CCSER1: variants seen among roughly 807,000 people sequenced by gnomAD.
CCSER1 encodes serine-rich coiled-coil domain-containing protein 1.
CCSER1 carries 41 observed loss-of-function variants against 82.0 expected under a neutral mutation model. That is an observed-to-expected ratio of 0.50 (90% CI 0.39 to 0.65). The LOEUF (loss-of-function observed/expected upper bound fraction) is 0.65. Among genes scored for constraint, CCSER1 ranks in the 30% least tolerant of loss-of-function variants. The probability of loss-of-function intolerance (pLI) is 0.00; values close to 1 mark genes in which losing one functional copy is unlikely to be tolerated. For missense variants in CCSER1, 1,119 were observed against 1,064.2 expected, an observed-to-expected ratio of 1.05 and a Z score of -0.72; for synonymous variants, 414 against 383.9, an observed-to-expected ratio of 1.08 and a Z score of -0.92.
intron 4 of CCSER1, among the ~76,000 whole-genome samples, chr4:90,429,262 A>G (rs1292565519): frequency 6.6e-6 from 1 of 151,828 alleles, no homozygotes; most frequent in African/African-American, 2.4e-5. Context: ...AAAAAGATGT[A>G]GCCACATTGC....
At position 90,926,504 on chromosome 4, in the gene CCSER1, C is replaced by T. The variant is rs955799732; in HGVS notation, c.2172+3057C>T. 2.6e-5 allele frequency among the ~76,000 whole-genome samples: 4 copies of T among 151,944 alleles called. No individual in the cohort carries two copies. The South Asian group carries it at 8.3e-4, about 32-fold the overall frequency. ...GATAAGAAATAGAATTCCCAGAAAA[C>T]ATTAATTATAATAAAATCTATTAAA... On this transcript the variant is annotated intron_variant, in intron 9 of 10. Transcript: ENST00000509176.
intron 4 of CCSER1, among the ~76,000 whole-genome samples, chr4:90,422,584 G>GTC (rs140011451): frequency 6.0e-5 from 9 of 150,706 alleles, no homozygotes; most frequent in South Asian, 2.1e-4. Context: ...AACAGAGTGA[G>GTC]TCTCTCTCTC....
chr4:91,565,072 G>A (rs1199741902), intron 10 of CCSER1, among the ~76,000 whole-genome samples: 8 of 112,646 alleles, frequency 7.1e-5, no homozygotes, highest in African/African-American at 2.1e-4. Flanking sequence ...GTGTGTGTGT[G>A]TGTGTGTGAT....
rs541081221 is a variant in CCSER1, at chr4:91,470,421, T to A, written c.2218-128151T>A. On this transcript the variant is annotated intron_variant, in intron 10 of 10. Transcript: ENST00000509176. ...AATCTTTTCATTTTATTAATAATAT[T>A]TATATTATGGAAGACTGAAATGGTA... Among the ~76,000 whole-genome samples, 15 of 146,084 alleles carry A rather than the reference T, an allele frequency of 1.0e-4. 1 individual carries two copies. The South Asian group carries it at 3.4e-3, about 34-fold the overall frequency.
chr4:91,480,292 A>C (rs1426988728), intron 10 of CCSER1, among the ~76,000 whole-genome samples: 1 of 152,160 alleles, frequency 6.6e-6, no homozygotes, highest in Non-Finnish European at 1.5e-5. Context: ...GGAATTTCTA[A>C]TTCTAGATCC....
At chr4:91,444,058 G>T (rs906877850) in intron 10 of CCSER1, among the ~76,000 whole-genome samples, 9 of 152,102 alleles carry the variant, frequency 5.9e-5, no homozygotes, top group Middle Eastern at 3.4e-3. Context: ...CTTTTATTAG[G>T]TTTTTTCAAT....
chr4:91,521,599 G>A (rs1210019316), intron 10 of CCSER1, among the ~76,000 whole-genome samples: 1 of 152,170 alleles, frequency 6.6e-6, no homozygotes, highest in Non-Finnish European at 1.5e-5. Flanking sequence ...GTATCTCATT[G>A]TGGTTTTGAT....
chr4:91,505,339 A>G (rs116589330), intron 10 of CCSER1, among the ~76,000 whole-genome samples: 8 of 152,156 alleles, frequency 5.3e-5, no homozygotes, highest in Non-Finnish European at 1.2e-4. Flanking sequence ...TCAGTCTATC[A>G]TCTATTGATG....
chr4:91,182,132 C>T (rs1411738317), intron 10 of CCSER1, among the ~76,000 whole-genome samples: 2 of 152,148 alleles, frequency 1.3e-5, no homozygotes, highest in Non-Finnish European at 2.9e-5. Context: ...TTGCTCATGA[C>T]AGTTGGGGTC....
intron 3 of CCSER1, among the ~76,000 whole-genome samples, chr4:90,393,422 G>A (rs1017089790): frequency 9.9e-5 from 15 of 152,272 alleles, no homozygotes; most frequent in South Asian, 8.3e-4. Context: ...GCACCTGATC[G>A]TAAGGTAGAA....
At chr4:91,051,859 C>A (rs1743033008) in intron 9 of CCSER1, among the ~76,000 whole-genome samples, 1 of 151,928 alleles carries the variant, frequency 6.6e-6, no homozygotes, top group Non-Finnish European at 1.5e-5. Context: ...CTAGTTTTTA[C>A]AAATGTAAGA....
intron 5 of CCSER1, among the ~76,000 whole-genome samples, chr4:90,619,655 A>G (rs1721944196): frequency 6.6e-6 from 1 of 152,096 alleles, no homozygotes; most frequent in South Asian, 2.1e-4. Flanking sequence ...ATGTATTATT[A>G]CTTCAATAAT....
intron 4 of CCSER1, among the ~76,000 whole-genome samples, chr4:90,458,775 C>G (rs1350197901): frequency 6.6e-6 from 1 of 152,204 alleles, no homozygotes; most frequent in African/African-American, 2.4e-5. Flanking sequence ...TGATGCCATT[C>G]TAATATTATG....
intron 3 of CCSER1, among the ~76,000 whole-genome samples, chr4:90,391,058 G>T (rs1222786378): frequency 2.1e-5 from 3 of 144,832 alleles, no homozygotes; most frequent in African/African-American, 7.8e-5. Context: ...GAGGTCAGGA[G>T]TTCAAGACCA....
chr4:91,549,327 G>A (rs897690257), intron 10 of CCSER1, among the ~76,000 whole-genome samples: 1 of 151,768 alleles, frequency 6.6e-6, no homozygotes, highest in Non-Finnish European at 1.5e-5. Flanking sequence ...TTCATTATTT[G>A]TAATTTTAAC....
chr4:90,635,057 A>G (rs1426591592), intron 6 of CCSER1, among the ~76,000 whole-genome samples: 1 of 151,796 alleles, frequency 6.6e-6, no homozygotes, highest in African/African-American at 2.4e-5. Context: ...TGTTTCACCA[A>G]TACACAATGC....
intron 10 of CCSER1, among the ~76,000 whole-genome samples, chr4:91,496,739 GAATATATATTTGAATATATATATATTC>G (rs1430859479): frequency 7.6e-5 from 1 of 13,174 alleles, no homozygotes; most frequent in Non-Finnish European, 2.1e-4. Context: ...TATATATATT[GAATATATATTTGAATATATATATATTC>G]AATATATATT....
chr4:90,616,586 G>T (rs866274594), intron 5 of CCSER1, among the ~76,000 whole-genome samples: 8 of 151,764 alleles, frequency 5.3e-5, no homozygotes, highest in Non-Finnish European at 1.5e-5. Context: ...TTGGGAGGCT[G>T]AGTCAGGAGA....
chr4:90,305,773 G>C (rs961117141), intron 1 of CCSER1, among the ~76,000 whole-genome samples: 2 of 152,152 alleles, frequency 1.3e-5, no homozygotes, highest in African/African-American at 4.8e-5. Flanking sequence ...CAGTATGGAG[G>C]TTCCTCAAAA....
Sources: allele counts gnomAD v4.1 joint callset (sites outside exome capture counted in the v4.1 genomes callset), GRCh38; gene constraint gnomAD v4.1.1; transcripts MANE v1.5; gene names NCBI Gene and HGNC (gene_info 2026-07-23, HGNC 2026-07-21).